The following EEIG2 variants were observed in gnomAD, a reference collection of about 807,000 sequenced individuals.
The protein encoded by EEIG2 is EEIG family member 2.
the EEIG2 span, chr1:108,628,492 T>C: frequency 6.2e-7 from 1 of 1,614,064 alleles, no homozygotes; most frequent in Non-Finnish European, 8.5e-7. Flanking sequence ...TTGAAAGTAT[T>C]CTAGAGCCAT....
chr1:108,630,885 G>A, the EEIG2 span, among the ~76,000 whole-genome samples: 3 of 152,142 alleles, frequency 2.0e-5, no homozygotes, highest in South Asian at 4.1e-4. Context: ...GTATTCTCTC[G>A]TGGTCAAAAC....
At chr1:108,596,643 C>A in the EEIG2 span, among the ~76,000 whole-genome samples, 10 of 152,166 alleles carry the variant, frequency 6.6e-5, no homozygotes, top group African/African-American at 2.4e-4. Flanking sequence ...GCATCCTATT[C>A]CTGTATGGTA....
the EEIG2 span, among the ~76,000 whole-genome samples, chr1:108,588,961 A>G: frequency 1.3e-5 from 2 of 152,172 alleles, no homozygotes; most frequent in African/African-American, 4.8e-5. Flanking sequence ...GTATTCAGCA[A>G]ATATTCATTT....
the EEIG2 span, among the ~76,000 whole-genome samples, chr1:108,595,645 T>C: frequency 7.6e-5 from 10 of 131,996 alleles, no homozygotes; most frequent in Non-Finnish European, 1.4e-4. Flanking sequence ...GGGAGGAAGA[T>C]GTAATAGCTT....
At chr1:108,615,826 C>T in the EEIG2 span, among the ~76,000 whole-genome samples, 4 of 150,288 alleles carry the variant, frequency 2.7e-5, no homozygotes, top group African/African-American at 9.8e-5. Flanking sequence ...TGATCTAAAG[C>T]TGGAACAAAG....
chr1:108,632,111 CAAAAAAAAAAA>C, the EEIG2 span, among the ~76,000 whole-genome samples: 4 of 65,390 alleles, frequency 6.1e-5, no homozygotes, highest in South Asian at 8.8e-4. Context: ...GAGACTGTCT[CAAAAAAAAAAA>C]AAAAAAAAAA....
At chr1:108,617,225 C>T in the EEIG2 span, among the ~76,000 whole-genome samples, 1 of 152,122 alleles carries the variant, frequency 6.6e-6, no homozygotes, top group Non-Finnish European at 1.5e-5. Flanking sequence ...CACTCACACT[C>T]TGAGTGAGAT....
the EEIG2 span, among the ~76,000 whole-genome samples, chr1:108,580,858 G>A: frequency 6.6e-6 from 1 of 152,312 alleles, no homozygotes; most frequent in South Asian, 2.1e-4. Context: ...TAAGAGCGCA[G>A]CAACTTATCC....
the EEIG2 span, among the ~76,000 whole-genome samples, chr1:108,595,564 A>AG: frequency 1.8e-5 from 2 of 110,712 alleles, no homozygotes; most frequent in Non-Finnish European, 3.5e-5. Context: ...GGAGAGAGGG[A>AG]GAGAGGGAGG....
chr1:108,605,098 A>T, the EEIG2 span, among the ~76,000 whole-genome samples: 12 of 152,252 alleles, frequency 7.9e-5, no homozygotes, highest in South Asian at 2.5e-3. Context: ...GAAAATAAGG[A>T]TGAAACCCCA....
At chr1:108,631,344 C>T in the EEIG2 span, among the ~76,000 whole-genome samples, 1 of 152,220 alleles carries the variant, frequency 6.6e-6, no homozygotes, top group Non-Finnish European at 1.5e-5. Context: ...TTTACTGCTG[C>T]TTTGATGCTA....
At chr1:108,586,317 GT>G in the EEIG2 span, among the ~76,000 whole-genome samples, 2 of 852 alleles carry the variant, frequency 2.3e-3, no homozygotes, top group Non-Finnish European at 0.017. Flanking sequence ...GCAGAGGGGT[GT>G]GTGTGTGTGT....
the EEIG2 span, among the ~76,000 whole-genome samples, chr1:108,585,967 A>C: frequency 6.6e-6 from 1 of 152,070 alleles, no homozygotes; most frequent in Admixed American, 6.6e-5. Context: ...TGTTCCAGAA[A>C]ACTGATACAT....
chr1:108,620,932 G>C, the EEIG2 span, among the ~76,000 whole-genome samples: 1 of 152,152 alleles, frequency 6.6e-6, no homozygotes. Context: ...CCTAGCCACA[G>C]TTCTTTGAAA....
chr1:108,616,439 A>G, the EEIG2 span: 4 of 1,549,950 alleles, frequency 2.6e-6, no homozygotes, highest in Non-Finnish European at 3.6e-6. Context: ...GTAAGTTGAT[A>G]CCCAATAAAT....
the EEIG2 span, among the ~76,000 whole-genome samples, chr1:108,632,393 C>T: frequency 6.6e-6 from 1 of 152,176 alleles, no homozygotes; most frequent in African/African-American, 2.4e-5. Context: ...GTTTCTTCTT[C>T]TCATGTGCAC....
the EEIG2 span, chr1:108,638,997 T>C: frequency 2.6e-5 from 4 of 152,242 alleles, no homozygotes; most frequent in African/African-American, 7.2e-5. Flanking sequence ...CTTACTGATA[T>C]GCGTTGACCA....
At chr1:108,608,198 A>G in the EEIG2 span, among the ~76,000 whole-genome samples, 2 of 152,108 alleles carry the variant, frequency 1.3e-5, no homozygotes, top group Admixed American at 6.6e-5. Flanking sequence ...TTTTCCTGCC[A>G]TGCTTATATT....
the EEIG2 span, among the ~76,000 whole-genome samples, chr1:108,606,531 C>T: frequency 6.6e-6 from 1 of 152,216 alleles, no homozygotes; most frequent in African/African-American, 2.4e-5. Context: ...AAGGATCTCA[C>T]CTGGGAAGTG....
Sources: allele counts gnomAD v4.1 joint callset (sites outside exome capture counted in the v4.1 genomes callset), GRCh38; gene constraint gnomAD v4.1.1; transcripts MANE v1.5; gene names NCBI Gene and HGNC (gene_info 2026-07-23, HGNC 2026-07-21).